Variants in TMEM243 observed in about 807,000 individuals in gnomAD.
TMEM243 encodes the protein MDR1 and mitochondrial taxol resistance associated.
TMEM243 carries 20 observed loss-of-function variants against 15.0 expected under a neutral mutation model. That is an observed-to-expected ratio of 1.33 (90% CI 0.94 to 1.93). The LOEUF (loss-of-function observed/expected upper bound fraction) is 1.93. Among genes scored for constraint, TMEM243 ranks in the 30% most tolerant of loss-of-function variants. The pLI is 0.00. For missense variants in TMEM243, 156 were observed against 142.1 expected, an observed-to-expected ratio of 1.10 and a Z score of -0.50; for synonymous variants, 72 against 52.7, an observed-to-expected ratio of 1.37 and a Z score of -1.59.
In TMEM243 at chr7:87,197,957, A is replaced by C; in HGVS notation, c.218T>G (p.Ile73Ser). Residue 73 changes from isoleucine (I) to serine (S), a missense_variant, in exon 3 of 4, where the codon ATT (isoleucine) becomes AGT (serine). Transcript: ENST00000257637. ...AGTACTTACAAGTATGCAGGCAGTAATACTACTCAAAGAGATGCAGACAGC... is the reference window on the plus strand; with the variant it reads ...AGTACTTACAAGTATGCAGGCAGTACTACTACTCAAAGAGATGCAGACAGC... ...FFAVCISLSS[I>S]TACILIYWYR... 1.2e-6 allele frequency: 2 copies of C among 1,613,160 alleles called. No individual in the cohort carries two copies. The highest frequency in any genetic ancestry group is 1.3e-5 in the African/African-American group (1 of 74,974).
intron 1 of TMEM243, among the ~76,000 whole-genome samples, chr7:87,204,098 G>A (rs1027431650): frequency 7.9e-5 from 12 of 152,188 alleles, no homozygotes; most frequent in Non-Finnish European, 1.3e-4. Flanking sequence ...ATGATGGCAG[G>A]CAAGAGAGAA....
chr7:87,219,841 T>C (rs1300567816), upstream of TMEM243: 2 of 343,520 alleles, frequency 5.8e-6, no homozygotes, highest in Non-Finnish European at 1.1e-5. Context: ...TCCGCCCCTC[T>C]GGGCCGCCAG....
At chr7:87,211,852 C>T (rs115444905) in intron 1 of TMEM243, among the ~76,000 whole-genome samples, 6 of 152,266 alleles carry the variant, frequency 3.9e-5, no homozygotes, top group African/African-American at 1.4e-4. Flanking sequence ...CTCTAGGACG[C>T]CGCGAATTAT....
At chr7:87,219,389 C>A (rs375275156) in intron 1 of TMEM243, 37 bp downstream of exon 1, 1 of 1,598,892 alleles carries the variant, frequency 6.3e-7, no homozygotes, top group South Asian at 1.1e-5. Flanking sequence ...AGCAGACACA[C>A]CCCCCATCCC....
Position 87,219,489 on chromosome 7 carries a change from A to G in TMEM243, c.15T>C (p.Ala5=), listed in dbSNP as rs757350702. The G allele has an allele frequency of 1.2e-6, 2 of 1,614,236 alleles. No individual in the cohort carries two copies. Among genetic ancestry groups the G allele is most frequent in the African/African-American group, 2.7e-5 (2 of 75,062 alleles). Residue 5 remains alanine (A), a synonymous_variant, in exon 1 of 4, where the codon GCT becomes GCC. Transcript: ENST00000257637. MEDF[A]TRTYGTSGLD... is the part of the protein sequence containing the mutation. ...GGCCACTGGTGCCGTAGGTCCTGGT[A>G]GCAAAGTCCTCCATTTTGGGGTTTC... is the stretch of plus-strand genomic sequence containing the variant.
intron 1 of TMEM243, among the ~76,000 whole-genome samples, chr7:87,205,348 T>G (rs1802132250): frequency 6.6e-6 from 1 of 152,176 alleles, no homozygotes; most frequent in Non-Finnish European, 1.5e-5. Context: ...AGGATTTTTT[T>G]TTTTTTTCTA....
chr7:87,207,774 C>T (rs150947273), intron 1 of TMEM243, among the ~76,000 whole-genome samples: 65 of 152,304 alleles, frequency 4.3e-4, no homozygotes, highest in African/African-American at 6.3e-4. Flanking sequence ...GACAGCATCG[C>T]AGGGAGTCCT....
In TMEM243 at chr7:87,200,817, G is replaced by A. The variant is rs915624052; in HGVS notation, c.79-1760C>T. 5.3e-5 allele frequency among the ~76,000 whole-genome samples: 8 copies of A among 152,228 alleles called. No homozygotes were observed. The East Asian group carries it at 9.7e-4, about 18-fold the overall frequency. ...TGCCAGGCCTCCTTTCCCTATTTAT[G>A]CTTCTCACCCAAAGAACAACCTAGA... On this transcript the variant is annotated intron_variant, in intron 1 of 3. Transcript: ENST00000257637.
chr7:87,211,086 G>C (rs894887985), intron 1 of TMEM243, among the ~76,000 whole-genome samples: 1 of 152,150 alleles, frequency 6.6e-6, no homozygotes, highest in African/African-American at 2.4e-5. Flanking sequence ...TAGTGTGGGG[G>C]CTGCTGTGAA....
chr7:87,197,627 G>GTCCT, intron 3 of TMEM243: 1 of 928,228 alleles, frequency 1.1e-6, no homozygotes. Context: ...CCCTTACGTA[G>GTCCT]TCCTTGAGTG....
At chr7:87,220,576 G>A (rs1803464871), upstream of TMEM243, 1 of 152,290 alleles carries the variant, frequency 6.6e-6, no homozygotes, top group Admixed American at 6.5e-5. Context: ...TCCGTCGCAA[G>A]TCGGCCCGCC....
rs1402416120 is a variant in TMEM243, at chr7:87,198,988, A to T, written c.129+19T>A. On this transcript the variant is annotated intron_variant, in intron 2 of 3. Coordinates refer to ENST00000257637, the MANE Select transcript of TMEM243 (RefSeq NM_024315.4). Reference sequence around the variant, plus strand: ...AACTGGCTAAGAGCCTGGGTGAGGCACAAAATGAGGATACTTACTAGAATC... The same window carrying T: ...AACTGGCTAAGAGCCTGGGTGAGGCTCAAAATGAGGATACTTACTAGAATC... 6.3e-7 allele frequency: 1 copy of T among 1,586,834 alleles called. No individual in the cohort carries two copies.
intron 1 of TMEM243, among the ~76,000 whole-genome samples, chr7:87,207,838 C>A (rs62486484): frequency 0.014 from 2,081 of 152,312 alleles, 12 homozygotes; most frequent in Middle Eastern, 0.034. Flanking sequence ...TTAGACCTCA[C>A]ACCTTCAAGT....
chr7:87,203,799 T>C (rs73208546), intron 1 of TMEM243, among the ~76,000 whole-genome samples: 6,928 of 152,086 alleles, frequency 0.046, 192 homozygotes, highest in Middle Eastern at 0.071. Context: ...TCAGAACAAA[T>C]CTAGGTACAC....
At chr7:87,219,779 G>T (rs1339837669), upstream of TMEM243, 3 of 462,640 alleles carry the variant, frequency 6.5e-6, no homozygotes, top group East Asian at 8.3e-5. Context: ...GGACGCCCCC[G>T]CCCGGGCAGC....
chr7:87,214,276 T>C (rs549264611), intron 1 of TMEM243, among the ~76,000 whole-genome samples: 9 of 152,326 alleles, frequency 5.9e-5, no homozygotes, highest in Admixed American at 3.3e-4. Context: ...CTGAGAATAA[T>C]TTAGTGCTCT....
chr7:87,200,309 A>G (rs1035563301), intron 1 of TMEM243, among the ~76,000 whole-genome samples: 1 of 152,212 alleles, frequency 6.6e-6, no homozygotes, highest in African/African-American at 2.4e-5. Context: ...GACCTCAGCT[A>G]GAGAAGCCTA....
chr7:87,207,894 G>T (rs995779047), intron 1 of TMEM243, among the ~76,000 whole-genome samples: 1 of 152,122 alleles, frequency 6.6e-6, no homozygotes, highest in Non-Finnish European at 1.5e-5. Flanking sequence ...TGTTCCACAT[G>T]AGCAAACTGC....
chr7:87,219,768 G>C, upstream of TMEM243: 1 of 490,946 alleles, frequency 2.0e-6, no homozygotes, highest in South Asian at 2.6e-5. Flanking sequence ...GACTCTCAGC[G>C]GGACGCCCCC....
Sources: gnomAD v4.1 joint callset for allele counts (sites outside exome capture counted in the v4.1 genomes callset) on GRCh38, gnomAD v4.1.1 for gene constraint, MANE v1.5 for transcripts, NCBI Gene and HGNC (gene_info 2026-07-23, HGNC 2026-07-21) for gene names.